The following ZNRF1 variants were observed in gnomAD, a reference collection of about 807,000 sequenced individuals.
ZNRF1 encodes zinc and ring finger 1.
ZNRF1 carries 3 observed loss-of-function variants against 18.4 expected under a neutral mutation model. The observed-to-expected ratio is 0.16, with a 90% CI of 0.07 to 0.42. The LOEUF (loss-of-function observed/expected upper bound fraction) is 0.42, where lower values mean the gene tolerates loss of function less well. Ranked by LOEUF, ZNRF1 falls within the 10% of genes least tolerant of loss-of-function variation. The probability of loss-of-function intolerance (pLI) is 0.99; values close to 1 mark genes in which losing one functional copy is unlikely to be tolerated. For missense variants in ZNRF1, 310 were observed against 329.8 expected (o/e 0.94, Z 0.47); for synonymous variants, 157 against 144.2 (o/e 1.09, Z -0.64).
chr16:75,003,447 C>G (rs1405424490), intron 1 of ZNRF1, among the ~76,000 whole-genome samples: 2 of 152,180 alleles, frequency 1.3e-5, no homozygotes, highest in Non-Finnish European at 2.9e-5. Flanking sequence ...TGTTCATCAT[C>G]TCACTTAATC....
intron 1 of ZNRF1, among the ~76,000 whole-genome samples, chr16:75,083,345 A>C (rs1487926693): frequency 6.6e-6 from 1 of 152,252 alleles, no homozygotes; most frequent in African/African-American, 2.4e-5. Flanking sequence ...ATTACTAAGT[A>C]GTTGGTACAA....
chr16:75,014,610 G>A (rs72800311), intron 1 of ZNRF1, among the ~76,000 whole-genome samples: 5,206 of 152,208 alleles, frequency 0.034, 119 homozygotes, highest in Non-Finnish European at 0.049. Context: ...ATACGTGAAT[G>A]AGTTTTTCTA....
chr16:75,036,777 A>G (rs368591844), intron 1 of ZNRF1, among the ~76,000 whole-genome samples: 2 of 152,178 alleles, frequency 1.3e-5, no homozygotes, highest in African/African-American at 4.8e-5. Flanking sequence ...TGGATGGTAT[A>G]TGTTTGTATG....
chr16:75,057,100 G>C (rs1427321832), intron 1 of ZNRF1, among the ~76,000 whole-genome samples: 3 of 152,072 alleles, frequency 2.0e-5, no homozygotes, highest in Non-Finnish European at 4.4e-5. Flanking sequence ...TTTTCTTTCA[G>C]ATTTGTTCAG....
In ZNRF1 at chr16:75,108,321, CT is replaced by C; in HGVS notation, c.*624del. ...TTGCCAAAAAACAACCCATTGAGAA[CT>C]TTCTTCCTACTGATCCCATCTCTTT... On this transcript the variant is annotated 3_prime_UTR_variant, in exon 5 of 5. Transcript: ENST00000335325. 1 of 356,330 alleles carries C rather than the reference CT, an allele frequency of 2.8e-6. No homozygotes were observed. The highest frequency in any genetic ancestry group is 5.0e-6 in the Non-Finnish European group (1 of 201,650). 22.1% of individuals were successfully genotyped at this position (356,330 alleles called of 1,614,324 possible). A position where few individuals can be genotyped will look rare whatever the true frequency, so the allele number is the denominator to read the frequency against.
At chr16:75,085,736 T>C (rs2036064355) in intron 1 of ZNRF1, among the ~76,000 whole-genome samples, 1 of 151,758 alleles carries the variant, frequency 6.6e-6, no homozygotes, top group Non-Finnish European at 1.5e-5. Flanking sequence ...TTGTTTGGTA[T>C]TTTAATAGAC....
chr16:75,010,457 T>G (rs1006733617), intron 1 of ZNRF1, among the ~76,000 whole-genome samples: 8 of 152,182 alleles, frequency 5.3e-5, no homozygotes, highest in African/African-American at 1.9e-4. Flanking sequence ...ACGAATTGTC[T>G]CATGCCAAGA....
chr16:75,043,876 A>G (rs1337816783), intron 1 of ZNRF1, among the ~76,000 whole-genome samples: 1 of 138,856 alleles, frequency 7.2e-6, no homozygotes, highest in East Asian at 2.1e-4. Flanking sequence ...TGCAACCTCC[A>G]CTTCCCTGGT....
intron 1 of ZNRF1, among the ~76,000 whole-genome samples, chr16:75,058,864 C>A (rs911121598): frequency 1.3e-5 from 2 of 152,264 alleles, no homozygotes; most frequent in Non-Finnish European, 2.9e-5. Context: ...TTTCTGTGTG[C>A]CTTAGTTGAG....
intron 1 of ZNRF1, among the ~76,000 whole-genome samples, chr16:75,043,524 A>T (rs1055665614): frequency 6.6e-6 from 1 of 152,148 alleles, no homozygotes; most frequent in Non-Finnish European, 1.5e-5. Flanking sequence ...GATTCACTCA[A>T]ACCCAGCTAA....
rs117856107 is a variant in ZNRF1, at chr16:75,014,736, G to A, written c.424+14641G>A. ...ATATTGCCCAGTAAATCCCCAATGT[G>A]CTTATACCAGTTTACACTCCTGAAA... On this transcript the variant is annotated intron_variant, in intron 1 of 4. Transcript: ENST00000335325. Among the ~76,000 whole-genome samples the A allele has an allele frequency of 9.0e-3, 1,375 of 152,120 alleles. 5 individuals carry two copies. The highest frequency in any genetic ancestry group is 0.014 in the Non-Finnish European group (920 of 68,020).
At chr16:75,020,035 A>G (rs1450744946) in intron 1 of ZNRF1, among the ~76,000 whole-genome samples, 1 of 152,008 alleles carries the variant, frequency 6.6e-6, no homozygotes, top group African/African-American at 2.4e-5. Flanking sequence ...TAACAATTCC[A>G]GAGAGAACTA....
intron 1 of ZNRF1, among the ~76,000 whole-genome samples, chr16:75,005,225 G>T (rs1267356143): frequency 6.6e-6 from 1 of 152,148 alleles, no homozygotes; most frequent in Non-Finnish European, 1.5e-5. Flanking sequence ...AGAATTTTTA[G>T]CTCTTTATTA....
chr16:75,014,844 A>AAT (rs1244712725), intron 1 of ZNRF1, among the ~76,000 whole-genome samples: 1 of 152,048 alleles, frequency 6.6e-6, no homozygotes, highest in Non-Finnish European at 1.5e-5. Context: ...AGTGGGTATA[A>AAT]ATAGTATAAT....
At chr16:75,051,517 C>T (rs7200674) in intron 1 of ZNRF1, among the ~76,000 whole-genome samples, 138,032 of 151,514 alleles carry the variant, frequency 0.91, 62,914 homozygotes, top group Non-Finnish European at 0.93. Flanking sequence ...CCTGCATCTT[C>T]CCCTTTTTTT....
At chr16:75,092,288 T>C (rs1306137644) in intron 1 of ZNRF1, among the ~76,000 whole-genome samples, 1 of 152,166 alleles carries the variant, frequency 6.6e-6, no homozygotes, top group African/African-American at 2.4e-5. Flanking sequence ...GGGTTGGTCT[T>C]GCTGTCTTAG....
At chr16:75,059,346 C>G (rs1313874068) in intron 1 of ZNRF1, among the ~76,000 whole-genome samples, 4 of 143,074 alleles carry the variant, frequency 2.8e-5, no homozygotes, top group Non-Finnish European at 6.0e-5. Flanking sequence ...CTCCTCCGTT[C>G]AAGCGATTCT....
chr16:75,103,378 C>T (rs1461490380), intron 2 of ZNRF1, among the ~76,000 whole-genome samples: 5 of 152,130 alleles, frequency 3.3e-5, no homozygotes, highest in African/African-American at 1.2e-4. Flanking sequence ...TTCACAACCC[C>T]CATCTTTATC....
chr16:75,041,754 T>C (rs2035449627), intron 1 of ZNRF1, among the ~76,000 whole-genome samples: 1 of 151,844 alleles, frequency 6.6e-6, no homozygotes, highest in Non-Finnish European at 1.5e-5. Flanking sequence ...GTTTTCTGTT[T>C]TTAAGACTTA....
Sources: allele counts gnomAD v4.1 joint callset (sites outside exome capture counted in the v4.1 genomes callset), GRCh38; gene constraint gnomAD v4.1.1; transcripts MANE v1.5; gene names NCBI Gene and HGNC (gene_info 2026-07-23, HGNC 2026-07-21).